TNFAIP8L3: variants seen among roughly 807,000 people sequenced by gnomAD.
TNFAIP8L3 encodes the protein TNF alpha induced protein 8 like 3, also known as tumor necrosis factor alpha-induced protein 8-like protein 3.
Under a neutral mutation model 11.8 loss-of-function variants are expected in TNFAIP8L3, and 7 were observed. The ratio of observed to expected loss-of-function variants is 0.59; its 90% CI spans 0.34 to 1.11. The LOEUF (loss-of-function observed/expected upper bound fraction) is 1.11, where lower values mean the gene tolerates loss of function less well. Ranked by LOEUF, TNFAIP8L3 falls within the 50% of genes most tolerant of loss-of-function variation. The pLI is 0.03. For missense variants in TNFAIP8L3, 219 were observed against 258.6 expected (o/e 0.85, Z 1.05); for synonymous variants, 98 against 103.8 (o/e 0.94, Z 0.34).
At chr15:51,071,426 T>C (rs1479680030) in intron 1 of TNFAIP8L3, among the ~76,000 whole-genome samples, 1 of 152,182 alleles carries the variant, frequency 6.6e-6, no homozygotes, top group Non-Finnish European at 1.5e-5. Flanking sequence ...TATTTTTTTT[T>C]CATCTATCCA....
intron 1 of TNFAIP8L3, among the ~76,000 whole-genome samples, chr15:51,068,636 G>A (rs553082167): frequency 1.6e-4 from 24 of 147,548 alleles, no homozygotes; most frequent in African/African-American, 6.0e-4. Flanking sequence ...CCCCTTTGTC[G>A]TCCACCATCA....
chr15:51,059,882 C>T (rs898741758), intron 1 of TNFAIP8L3, among the ~76,000 whole-genome samples: 2 of 152,240 alleles, frequency 1.3e-5, no homozygotes, highest in South Asian at 4.1e-4. Context: ...GTCCCTCCCT[C>T]TCTGCTCCTT....
chr15:51,090,099 C>A (rs906384968), intron 1 of TNFAIP8L3, among the ~76,000 whole-genome samples: 1 of 152,162 alleles, frequency 6.6e-6, no homozygotes, highest in African/African-American at 2.4e-5. Flanking sequence ...CCCCAAACAC[C>A]ACTGCTAAGT....
At chr15:51,093,115 T>G (rs2065484368) in intron 1 of TNFAIP8L3, among the ~76,000 whole-genome samples, 1 of 152,190 alleles carries the variant, frequency 6.6e-6, no homozygotes, top group African/African-American at 2.4e-5. Context: ...TCTCAGCACT[T>G]TATAGTCACA....
intron 1 of TNFAIP8L3, among the ~76,000 whole-genome samples, chr15:51,065,893 G>T (rs907774439): frequency 6.6e-6 from 1 of 152,162 alleles, no homozygotes; most frequent in Non-Finnish European, 1.5e-5. Flanking sequence ...GAGTGAAGAT[G>T]GTTCCCAGAA....
chr15:51,098,418 C>T (rs1326533572), upstream of TNFAIP8L3, among the ~76,000 whole-genome samples: 5 of 152,192 alleles, frequency 3.3e-5, no homozygotes, highest in Non-Finnish European at 5.9e-5. Flanking sequence ...AATCATTTGT[C>T]TCAAGGTAGA....
chr15:51,081,735 G>A (rs1294490565), intron 1 of TNFAIP8L3, among the ~76,000 whole-genome samples: 1 of 152,180 alleles, frequency 6.6e-6, no homozygotes, highest in African/African-American at 2.4e-5. Flanking sequence ...CCTGAGTCTC[G>A]GCACATCACT....
chr15:51,092,611 CAA>C (rs2065479626), intron 1 of TNFAIP8L3, among the ~76,000 whole-genome samples: 1 of 152,204 alleles, frequency 6.6e-6, no homozygotes, highest in Admixed American at 6.5e-5. Flanking sequence ...AAGGTGCAAA[CAA>C]ATAGTGACAG....
At chr15:51,093,196 G>GCA (rs1233891773) in intron 1 of TNFAIP8L3, among the ~76,000 whole-genome samples, 1 of 152,190 alleles carries the variant, frequency 6.6e-6, no homozygotes, top group East Asian at 1.9e-4. Context: ...GGTGGCACTT[G>GCA]CACACACACA....
chr15:51,078,094 A>C (rs1361302545), intron 1 of TNFAIP8L3, among the ~76,000 whole-genome samples: 1 of 152,150 alleles, frequency 6.6e-6, no homozygotes, highest in African/African-American at 2.4e-5. Flanking sequence ...TCAAAAAATA[A>C]ATAGTGATTG....
chr15:51,080,797 T>C (rs909266528), intron 1 of TNFAIP8L3, among the ~76,000 whole-genome samples: 2 of 152,254 alleles, frequency 1.3e-5, no homozygotes, highest in African/African-American at 4.8e-5. Context: ...GGGGCCTCAG[T>C]TGGCTGCCGC....
Position 51,057,779 on chromosome 15 carries a change from A to C in TNFAIP8L3, c.*102T>G, listed in dbSNP as rs1399861007. On this transcript the variant is annotated 3_prime_UTR_variant, in exon 2 of 2. Coordinates refer to ENST00000637513, the MANE Select transcript of TNFAIP8L3 (RefSeq NM_001311175.2). ...GAGGGATGAACAGGAAAGAACATGG[A>C]CATCTTTGACAAGGGTTTCTGCTTA... 1.0e-6 allele frequency: 1 copy of C among 997,680 alleles called. No homozygotes were observed. The highest frequency in any genetic ancestry group is 1.5e-6 in the Non-Finnish European group (1 of 677,086). 61.8% of individuals were successfully genotyped at this position (997,680 alleles called of 1,614,324 possible). A position where few individuals can be genotyped will look rare whatever the true frequency, so the allele number is the denominator to read the frequency against.
intron 1 of TNFAIP8L3, among the ~76,000 whole-genome samples, chr15:51,088,574 C>G (rs2065445962): frequency 6.6e-6 from 1 of 152,204 alleles, no homozygotes; most frequent in South Asian, 2.1e-4. Flanking sequence ...AACAGCTGAT[C>G]AGCCAGCATC....
chr15:51,071,593 A>G (rs2065309246), intron 1 of TNFAIP8L3, among the ~76,000 whole-genome samples: 1 of 152,242 alleles, frequency 6.6e-6, no homozygotes, highest in Non-Finnish European at 1.5e-5. Flanking sequence ...AGTTGCTTAT[A>G]TAAATATATA....
chr15:51,097,407 G>A (rs1454718924), upstream of TNFAIP8L3, among the ~76,000 whole-genome samples: 3 of 152,082 alleles, frequency 2.0e-5, no homozygotes, highest in Non-Finnish European at 4.4e-5. Context: ...CTTTGGGCAT[G>A]GGGGGGAGAG....
exon 1 of TNFAIP8L3, chr15:51,105,187 G>A (rs759855142): frequency 6.2e-7 from 1 of 1,612,758 alleles, no homozygotes; most frequent in Non-Finnish European, 8.5e-7. Flanking sequence ...TTGGACTCAG[G>A]TGTCCTTCTT....
chr15:51,071,050 C>CAAAAAAAAAAAAAA (rs55991711), intron 1 of TNFAIP8L3, among the ~76,000 whole-genome samples: 21 of 31,806 alleles, frequency 6.6e-4, no homozygotes, highest in African/African-American at 2.0e-3. Context: ...GACTCCGTCT[C>CAAAAAAAAAAAAAA]AAAAAAAAAA....
At chr15:51,061,300 G>C (rs978154233) in intron 1 of TNFAIP8L3, among the ~76,000 whole-genome samples, 4 of 152,096 alleles carry the variant, frequency 2.6e-5, no homozygotes, top group African/African-American at 9.7e-5. Context: ...ACTGTGCCCA[G>C]CCCATATAAG....
In TNFAIP8L3 at chr15:51,094,239, A is replaced by C. The variant is rs1242863174; in HGVS notation, c.52+305T>G. On this transcript the variant is annotated intron_variant, in intron 1 of 1. Transcript: ENST00000637513. This position sits in a 1 kb window ranked among gnomAD's most constrained non-coding sequence, Gnocchi z 4.4. ...GCAGATGTGTTGCAACCCTCTCTGC[A>C]GCAAACTACAGTACGCGGATTCCCG... 1.3e-5 allele frequency among the ~76,000 whole-genome samples: 2 copies of C among 152,194 alleles called. No individual in the cohort carries two copies.
Sources: gnomAD v4.1 joint callset for allele counts (sites outside exome capture counted in the v4.1 genomes callset) on GRCh38, gnomAD v4.1.1 for gene constraint, Gnocchi (gnomAD v3.1) non-coding constraint, MANE v1.5 for transcripts, NCBI Gene and HGNC (gene_info 2026-07-23, HGNC 2026-07-21) for gene names.